LRRC31: variants seen among roughly 807,000 people sequenced by gnomAD.
The protein encoded by LRRC31 is leucine-rich repeat-containing protein 31.
A neutral mutation model predicts 46.7 loss-of-function variants in LRRC31; 35 were observed. That is an observed-to-expected ratio of 0.75 (90% CI 0.57 to 0.99). The LOEUF (loss-of-function observed/expected upper bound fraction) is 0.99. LRRC31 is among the 50% of genes least tolerant of loss of function. The pLI is 0.00. For missense variants in LRRC31, 613 were observed against 626.1 expected (o/e 0.98, Z 0.22); for synonymous variants, 236 against 235.1 (o/e 1.00, Z -0.03).
intron 1 of LRRC31, among the ~76,000 whole-genome samples, chr3:169,865,075 C>CA (rs540858560): frequency 0.044 from 5,963 of 135,786 alleles, 127 homozygotes; most frequent in Middle Eastern, 0.076. Context: ...GACTCCATCT[C>CA]AAAAAAAAAA....
At chr3:169,853,459 C>A in intron 6 of LRRC31, 1 of 985,514 alleles carries the variant, frequency 1.0e-6, no homozygotes, top group Non-Finnish European at 1.2e-6. Flanking sequence ...AAAGCTTAGT[C>A]CTCCGTTATA....
At chr3:169,842,696 C>T (rs1780488077) in intron 8 of LRRC31, among the ~76,000 whole-genome samples, 1 of 151,670 alleles carries the variant, frequency 6.6e-6, no homozygotes, top group Non-Finnish European at 1.5e-5. Context: ...GAAAATATAC[C>T]CTGATAAAAT....
At chr3:169,842,191 A>G (rs900517226) in intron 8 of LRRC31, among the ~76,000 whole-genome samples, 5 of 152,160 alleles carry the variant, frequency 3.3e-5, no homozygotes, top group African/African-American at 1.2e-4. Context: ...GGCCATGGGT[A>G]TACTCTTTAT....
At position 169,856,852 on chromosome 3, in the gene LRRC31, G is replaced by A; in HGVS notation, c.508C>T (p.Pro170Ser). The A allele has an allele frequency of 6.2e-7, 1 of 1,609,178 alleles. No homozygotes were observed. The highest frequency in any genetic ancestry group is 2.2e-5 in the East Asian group (1 of 44,636). ...QALGEAFEMI[P>S]ELEELNLSWN... ...GACAAATTTAGCTCTTCAAGTTCAGGAATCATCTCAAATGCTTCTCCTGTT... is the reference window on the plus strand; with the variant it reads ...GACAAATTTAGCTCTTCAAGTTCAGAAATCATCTCAAATGCTTCTCCTGTT... Residue 170 changes from proline (P) to serine (S), a missense_variant, in exon 4 of 9, where the codon CCT becomes TCT. Pro to Ser is a moderately conservative substitution (Grantham distance 74). Coordinates refer to ENST00000316428, the MANE Select transcript of LRRC31 (RefSeq NM_024727.4).
chr3:169,869,128 T>C (rs538292143), intron 1 of LRRC31, among the ~76,000 whole-genome samples: 7 of 151,240 alleles, frequency 4.6e-5, no homozygotes, highest in African/African-American at 1.7e-4. Flanking sequence ...CCCAGCAGTT[T>C]GGGAGGCCAA....
chr3:169,852,422 A>T (rs142223502), intron 6 of LRRC31, among the ~76,000 whole-genome samples: 6 of 139,250 alleles, frequency 4.3e-5, no homozygotes, highest in Non-Finnish European at 9.1e-5. Context: ...AAAAAAAAAA[A>T]AAAAAAAAAC....
At chr3:169,859,444 G>T (rs533334796) in intron 3 of LRRC31, among the ~76,000 whole-genome samples, 1 of 152,270 alleles carries the variant, frequency 6.6e-6, no homozygotes, top group South Asian at 2.1e-4. Context: ...ACTGACAAGC[G>T]GAGATATTTG....
chr3:169,843,351 C>T (rs1190577694), intron 8 of LRRC31, among the ~76,000 whole-genome samples: 3 of 152,164 alleles, frequency 2.0e-5, no homozygotes, highest in Admixed American at 2.0e-4. Context: ...ACTCTGTCAA[C>T]AAGAATGAGC....
intron 3 of LRRC31, among the ~76,000 whole-genome samples, chr3:169,858,815 C>A (rs566228514): frequency 6.6e-6 from 1 of 152,058 alleles, no homozygotes; most frequent in Non-Finnish European, 1.5e-5. Context: ...ACCAGCCTGG[C>A]CAGCATGGTG....
chr3:169,842,863 A>G (rs1780493301), intron 8 of LRRC31, among the ~76,000 whole-genome samples: 1 of 152,210 alleles, frequency 6.6e-6, no homozygotes, highest in Non-Finnish European at 1.5e-5. Flanking sequence ...TAAATAAAAT[A>G]ACTTAAATAT....
In LRRC31 at chr3:169,839,684, A is replaced by G. The variant is rs2108192639; in HGVS notation, c.*298T>C. On this transcript the variant is annotated 3_prime_UTR_variant, in exon 9 of 9. Coordinates refer to ENST00000316428, the MANE Select transcript of LRRC31 (RefSeq NM_024727.4). ...GCAAATGAACTAATTATATATCCAA[A>G]ACAAATCCATTGAAAAATGCCATTT... 1 of 152,672 alleles carries G rather than the reference A, an allele frequency of 6.5e-6. No individual in the cohort carries two copies. Among genetic ancestry groups the G allele is most frequent in the Admixed American group, 6.6e-5 (1 of 15,246 alleles). 9.5% of individuals were successfully genotyped at this position (152,672 alleles called of 1,614,324 possible). A position where few individuals can be genotyped will look rare whatever the true frequency, so the allele number is the denominator to read the frequency against.
intron 7 of LRRC31, among the ~76,000 whole-genome samples, chr3:169,849,776 C>A (rs952299657): frequency 3.9e-5 from 6 of 152,220 alleles, no homozygotes; most frequent in African/African-American, 1.4e-4. Flanking sequence ...ACCAAAATTC[C>A]ATCCTCACAA....
chr3:169,856,346 G>T lies in LRRC31; in HGVS notation c.813C>A (p.Val271=). 1.3e-6 allele frequency: 2 copies of T among 1,566,004 alleles called. No individual in the cohort carries two copies. The highest frequency in any genetic ancestry group is 1.2e-5 in the South Asian group (1 of 80,936). The change falls in exon 5 of 9, where the codon GTC becomes GTA. Residue 271 remains valine (V), a synonymous_variant. Coordinates refer to ENST00000316428, the MANE Select transcript of LRRC31 (RefSeq NM_024727.4). ...CCATTGTTAACTCACCCAATATTTT[G>T]ACACTCTTTTGTGATAATCCACATG... ...LHSCGLSQKS[V]KILDAAFRYL...
At chr3:169,851,553 A>AG in intron 7 of LRRC31, 66 bp downstream of exon 7, 1 of 1,470,820 alleles carries the variant, frequency 6.8e-7, no homozygotes, top group South Asian at 1.3e-5. Flanking sequence ...AATGAAATGC[A>AG]GGGAAAAAGA....
Position 169,860,647 on chromosome 3 carries a change from A to G in LRRC31, c.401T>C (p.Ile134Thr), listed in dbSNP as rs776630938. 3.7e-6 allele frequency: 6 copies of G among 1,614,142 alleles called. No homozygotes were observed. Among genetic ancestry groups the G allele is most frequent in the Non-Finnish European group, 5.1e-6 (6 of 1,179,986 alleles). ...NGFVGGTLLS[I>T]TQQMHLVSKL... ...GCTGACCAGATGCATTTGCTGAGTG[A>G]TGGAAAGGAGGGTTCCACCTACAAA... Residue 134 changes from isoleucine to threonine, a missense_variant, in exon 3 of 9, where the codon ATC (isoleucine) becomes ACC (threonine). By Grantham distance (89) the Ile-to-Thr change is moderately conservative. Coordinates refer to ENST00000316428, the MANE Select transcript of LRRC31 (RefSeq NM_024727.4).
chr3:169,856,530 A>C, intron 4 of LRRC31, 27 bp from the exon 5 acceptor site: 1 of 1,571,638 alleles, frequency 6.4e-7, no homozygotes, highest in Non-Finnish European at 8.6e-7. Context: ...CCAAATAAGA[A>C]GGGTAGGTAG....
At chr3:169,852,427 A>AAAC (rs1780815808) in intron 6 of LRRC31, among the ~76,000 whole-genome samples, 4 of 134,314 alleles carry the variant, frequency 3.0e-5, no homozygotes, top group South Asian at 2.3e-4. Flanking sequence ...AAAAAAAAAA[A>AAAC]AAAACTCTTA....
chr3:169,853,483 T>C (rs748122593), intron 6 of LRRC31: 59 of 985,520 alleles, frequency 6.0e-5, no homozygotes, highest in Non-Finnish European at 7.0e-5. Context: ...GTGGGAACAA[T>C]TGAGGTTCTC....
At chr3:169,867,277 T>C (rs1365831272) in intron 1 of LRRC31, among the ~76,000 whole-genome samples, 9 of 129,972 alleles carry the variant, frequency 6.9e-5, no homozygotes, top group Admixed American at 6.0e-4. Context: ...TGAGACAGAG[T>C]CTTGCTCTGT....
Sources: gnomAD v4.1 joint callset for allele counts (sites outside exome capture counted in the v4.1 genomes callset) on GRCh38, gnomAD v4.1.1 for gene constraint, MANE v1.5 for transcripts, NCBI Gene and HGNC (gene_info 2026-07-23, HGNC 2026-07-21) for gene names.